HECTD4: variants seen among roughly 807,000 people sequenced by gnomAD.
HECTD4 encodes HECT domain E3 ubiquitin protein ligase 4, also known as probable E3 ubiquitin-protein ligase HECTD4.
Under a neutral mutation model 471.5 loss-of-function variants are expected in HECTD4, and 114 were observed. The ratio of observed to expected loss-of-function variants is 0.24; its 90% CI spans 0.21 to 0.28. The LOEUF (loss-of-function observed/expected upper bound fraction) is 0.28. Among genes scored for constraint, HECTD4 ranks in the 10% least tolerant of loss-of-function variants. The pLI is 1.00. For synonymous variants in HECTD4, 2,012 were observed against 2,256.0 expected, an observed-to-expected ratio of 0.89 and a Z score of 3.07; for missense variants, 3,866 against 5,651.5, an observed-to-expected ratio of 0.68 and a Z score of 10.13.
At chr12:112,227,978 G>A (rs767831909) in intron 43 of HECTD4, 111 bp downstream of exon 43, 6 of 945,690 alleles carry the variant, frequency 6.3e-6, no homozygotes, top group Middle Eastern at 3.5e-4. Flanking sequence ...TTTAGTGTGA[G>A]CTTCAAGCTG....
chr12:112,169,007 C>T (rs1360247099), intron 70 of HECTD4, among the ~76,000 whole-genome samples: 1 of 152,234 alleles, frequency 6.6e-6, no homozygotes, highest in Non-Finnish European at 1.5e-5. Context: ...CCTTTCCTTC[C>T]AGTGTGCCCG....
Position 112,185,244 on chromosome 12 carries a change from C to A in HECTD4, c.9722G>T (p.Gly3241Val), listed in dbSNP as rs1451350277. ...CCTGCCCTGGTCACCGGCCGCCGCCCCCCCGGAGCCCCCGCAGGCGCCGCC... is the reference window on the plus strand; with the variant it reads ...CCTGCCCTGGTCACCGGCCGCCGCCACCCCGGAGCCCCCGCAGGCGCCGCC... The part of the protein sequence containing the change: ...VSGGACGGSG[G>V]AAAGDQGRFS... Residue 3241 changes from glycine to valine, a missense_variant, in exon 61 of 76, where the codon GGG (glycine) becomes GTG (valine). Around this residue, in one of 16 missense-constraint regions of HECTD4, gnomAD observed 364 missense variants for 413.2 expected, o/e 0.88. Coordinates refer to ENST00000682272, the MANE Select transcript of HECTD4 (RefSeq NM_001388303.1). 2 of 1,550,006 alleles carry A rather than the reference C, an allele frequency of 1.3e-6. No homozygotes were observed. The highest frequency in any genetic ancestry group is 2.4e-5 in the East Asian group (1 of 40,918).
rs2034075898 is a variant in HECTD4, at chr12:112,258,513, C to T, written c.3111G>A (p.Arg1037=). ...TTCATTACCTCTCATCAGGGAACAG[C>T]CTGCACTTCTGGTCTGGTGCACCAC... The part of the protein sequence containing the change: ...SPCGAPDQKC[R]LFPDERMLEE... The change falls in exon 20 of 76, where the codon AGG becomes AGA. Residue 1037 remains arginine (R), a synonymous_variant. Coordinates refer to ENST00000682272, the MANE Select transcript of HECTD4 (RefSeq NM_001388303.1). The T allele has an allele frequency of 6.3e-7, 1 of 1,595,640 alleles. No individual in the cohort carries two copies. Among genetic ancestry groups the T allele is most frequent in the South Asian group, 1.1e-5 (1 of 88,148 alleles).
Position 112,244,352 on chromosome 12 carries a change from T to C in HECTD4, c.4514-343A>G, listed in dbSNP as rs1593969925. ...AGAAAGTATTGCCGAAAATCACAAA[T>C]TTCTTTTTTTTAATTTTTCAATTTC... On this transcript the variant is annotated intron_variant, in intron 29 of 75. Transcript: ENST00000682272. Among the ~76,000 whole-genome samples the C allele has an allele frequency of 1.3e-5, 2 of 152,214 alleles. 1 individual carries two copies. The highest frequency in any genetic ancestry group is 3.9e-4 in the East Asian group (2 of 5,178).
At chr12:112,309,364 G>C (rs150524064) in intron 5 of HECTD4, among the ~76,000 whole-genome samples, 197 bp downstream of exon 5, 2 of 152,268 alleles carry the variant, frequency 1.3e-5, no homozygotes, top group Non-Finnish European at 2.9e-5. Flanking sequence ...GCCAAAACAA[G>C]GCTAAAATGC....
intron 70 of HECTD4, among the ~76,000 whole-genome samples, chr12:112,168,670 G>A (rs928995997): frequency 4.6e-5 from 7 of 152,354 alleles, no homozygotes; most frequent in Non-Finnish European, 8.8e-5. Flanking sequence ...CCTGACTGCT[G>A]ACGCCTGGAA....
At chr12:112,255,950 C>A (rs1204577302) in intron 21 of HECTD4, among the ~76,000 whole-genome samples, 1 of 152,170 alleles carries the variant, frequency 6.6e-6, no homozygotes, top group African/African-American at 2.4e-5. Flanking sequence ...AAGAATTGGG[C>A]AGTGAGACCT....
Position 112,248,104 on chromosome 12 carries a change from T to C in HECTD4, c.4211A>G (p.Asn1404Ser), listed in dbSNP as rs749656468. Residue 1404 changes from asparagine (N) to serine (S), a missense_variant, in exon 27 of 76, where the codon AAC (asparagine) becomes AGC (serine). Physicochemically the swap from Asn to Ser is conservative, Grantham distance 46 (BLOSUM62 1). Coordinates refer to ENST00000682272, the MANE Select transcript of HECTD4 (RefSeq NM_001388303.1). Reference sequence around the variant, plus strand: ...GTAATCATAAAAGAAAGGCATGTTGTTCTCCAGTTTCCCCTGCATGGCATC... The same window carrying C: ...GTAATCATAAAAGAAAGGCATGTTGCTCTCCAGTTTCCCCTGCATGGCATC... ...VDDAMQGKLE[N>S]NMPFFYDYHF... 6.2e-7 allele frequency: 1 copy of C among 1,613,446 alleles called. No individual in the cohort carries two copies. The highest frequency in any genetic ancestry group is 1.3e-5 in the African/African-American group (1 of 74,910).
chr12:112,311,988 A>G (rs2035382643), intron 4 of HECTD4, among the ~76,000 whole-genome samples: 1 of 152,204 alleles, frequency 6.6e-6, no homozygotes, highest in Admixed American at 6.5e-5. Flanking sequence ...TTTAGAAGAA[A>G]TGGTAGACCA....
At chr12:112,231,314 T>C in intron 39 of HECTD4, 199 bp downstream of exon 39, 1 of 595,210 alleles carries the variant, frequency 1.7e-6, no homozygotes, top group East Asian at 2.8e-5. Context: ...TATTCTTTCA[T>C]GACAACCTCA....
chr12:112,219,228 G>A (rs2033019232), intron 45 of HECTD4, among the ~76,000 whole-genome samples, 158 bp downstream of exon 45: 1 of 152,188 alleles, frequency 6.6e-6, no homozygotes, highest in Non-Finnish European at 1.5e-5. Flanking sequence ...ATTCAAAGAT[G>A]AGAGCATGGC....
At chr12:112,342,552 G>T (rs1253884377) in intron 1 of HECTD4, among the ~76,000 whole-genome samples, 1 of 152,092 alleles carries the variant, frequency 6.6e-6, no homozygotes, top group African/African-American at 2.4e-5. Context: ...TCTAAGAATT[G>T]TTTCAATTAT....
chr12:112,301,963 G>T, intron 7 of HECTD4: 1 of 861,712 alleles, frequency 1.2e-6, no homozygotes, highest in Non-Finnish European at 2.0e-6. Flanking sequence ...TGCCTCCCCA[G>T]TGACAGCAGA....
At chr12:112,272,839 C>T (rs1381301782) in intron 11 of HECTD4, among the ~76,000 whole-genome samples, 5 of 152,204 alleles carry the variant, frequency 3.3e-5, no homozygotes, top group African/African-American at 4.8e-5. Context: ...GGTTTTTCCA[C>T]GCTCTGCTCC....
chr12:112,208,759 T>C (rs890918867), intron 50 of HECTD4, 129 bp from the exon 51 acceptor site: 7 of 678,684 alleles, frequency 1.0e-5, no homozygotes, highest in Non-Finnish European at 1.5e-5. Flanking sequence ...CACTGAGGAA[T>C]GTTAAATCAC....
chr12:112,263,930 T>TA lies in HECTD4; in HGVS notation c.2748+153dup, dbSNP rs560886047. Among the ~76,000 whole-genome samples the TA allele has an allele frequency of 4.6e-3, 706 of 152,184 alleles. 6 individuals are homozygous for TA. The highest frequency in any genetic ancestry group is 0.015 in the African/African-American group (643 of 41,508). Reference sequence around the variant, plus strand: ...AGTAGGTGACTACTGTGTAATGACATAAAAAATCTATGGAATGAGTGGCCT... The same window carrying TA: ...AGTAGGTGACTACTGTGTAATGACATAAAAAAATCTATGGAATGAGTGGCCT... On this transcript the variant is annotated intron_variant, in intron 17 of 75. Transcript: ENST00000682272.
chr12:112,310,911 AGG>A (rs1253063800), intron 4 of HECTD4, among the ~76,000 whole-genome samples: 1 of 152,222 alleles, frequency 6.6e-6, no homozygotes, highest in African/African-American at 2.4e-5. Context: ...ATGAGTACAC[AGG>A]GCTTATTATA....
At chr12:112,284,497 C>G (rs1393284603) in intron 7 of HECTD4, among the ~76,000 whole-genome samples, 1 of 152,200 alleles carries the variant, frequency 6.6e-6, no homozygotes, top group Non-Finnish European at 1.5e-5. Flanking sequence ...TGAGTAAACT[C>G]AGGAGCACAG....
chr12:112,354,134 G>A (rs916123411), intron 1 of HECTD4, among the ~76,000 whole-genome samples: 2 of 151,976 alleles, frequency 1.3e-5, no homozygotes, highest in Non-Finnish European at 2.9e-5. Flanking sequence ...GTGCAGTGGC[G>A]TGAACACAGC....
Sources: gnomAD v4.1 joint callset for allele counts (sites outside exome capture counted in the v4.1 genomes callset) on GRCh38, gnomAD v4.1.1 for gene constraint, gnomAD v4.1.1 regional missense constraint, MANE v1.5 for transcripts, NCBI Gene and HGNC (gene_info 2026-07-23, HGNC 2026-07-21) for gene names.